The following CUBN variants were observed in gnomAD, a reference collection of about 807,000 sequenced individuals.
CUBN encodes the protein 460 kDa receptor.
Under a neutral mutation model 405.3 loss-of-function variants are expected in CUBN, and 282 were observed. The observed-to-expected ratio is 0.70, with a 90% CI of 0.63 to 0.77. The LOEUF (loss-of-function observed/expected upper bound fraction) is 0.77. CUBN is among the 30% of genes least tolerant of loss of function. The pLI is 0.00. For missense variants in CUBN, 4,514 were observed against 4,475.2 expected (o/e 1.01, Z -0.25); for synonymous variants, 1,684 against 1,617.0 (o/e 1.04, Z -0.99).
intron 8 of CUBN, among the ~76,000 whole-genome samples, chr10:17,111,321 T>G (rs1836767013): frequency 6.6e-6 from 1 of 152,198 alleles, no homozygotes. Flanking sequence ...TCACTAAAAT[T>G]TTTAAAATAC....
chr10:16,827,931 C>G (rs1469730279), intron 66 of CUBN, among the ~76,000 whole-genome samples: 1 of 152,180 alleles, frequency 6.6e-6, no homozygotes, highest in Admixed American at 6.5e-5. Context: ...ATGAGAGGAT[C>G]GTAAGCACAG....
chr10:16,829,014 T>C lies in CUBN; in HGVS notation c.10555A>G (p.Arg3519Gly). ...SGCGGTLYGD[R>G]GSFTSPGYPG... Reference sequence around the variant, plus strand: ...TAGCCGGGGCTGGTGAATGAGCCTCTGTCTCCATAAAGAGTTCCACCACAT... The same window carrying C: ...TAGCCGGGGCTGGTGAATGAGCCTCCGTCTCCATAAAGAGTTCCACCACAT... Residue 3519 changes from arginine (R) to glycine (G), a missense_variant, in exon 66 of 67, where the codon AGA becomes GGA. Around this residue, in one of 5 missense-constraint regions of CUBN, gnomAD observed 1,186 missense variants for 1,186.9 expected, o/e 1.00. Coordinates refer to ENST00000377833, the MANE Select transcript of CUBN (RefSeq NM_001081.4). 6.2e-7 allele frequency: 1 copy of C among 1,614,104 alleles called. No homozygotes were observed. Among genetic ancestry groups the C allele is most frequent in the Non-Finnish European group, 8.5e-7 (1 of 1,179,986 alleles).
chr10:17,000,185 A>G (rs1472751693), intron 28 of CUBN, among the ~76,000 whole-genome samples: 2 of 152,212 alleles, frequency 1.3e-5, no homozygotes, highest in Non-Finnish European at 1.5e-5. Flanking sequence ...TTCTGGGAGC[A>G]GCTACCCTTT....
At position 16,824,890 on chromosome 10, in the gene CUBN, A is replaced by G. The variant is rs553596233; in HGVS notation, c.*85T>C. ...AGTTCAGCTTATTCTCTGTGGCATC[A>G]GCAGGGGTCATGTATCAGGATGGCA... On this transcript the variant is annotated 3_prime_UTR_variant, in exon 67 of 67. Transcript: ENST00000377833. 5 of 902,904 alleles carry G rather than the reference A, an allele frequency of 5.5e-6. No individual in the cohort carries two copies. In the African/African-American group the frequency reaches 6.5e-5, roughly 12 times the overall value. 55.9% of individuals were successfully genotyped at this position (902,904 alleles called of 1,614,324 possible). A position where few individuals can be genotyped will look rare whatever the true frequency, so the allele number is the denominator to read the frequency against.
At chr10:16,901,707 A>C (rs901681534) in intron 51 of CUBN, among the ~76,000 whole-genome samples, 1 of 151,710 alleles carries the variant, frequency 6.6e-6, no homozygotes, top group Non-Finnish European at 1.5e-5. Context: ...TACAAAAATT[A>C]GCTGGGCTTG....
intron 40 of CUBN, among the ~76,000 whole-genome samples, chr10:16,929,422 T>C (rs1049866842): frequency 1.9e-4 from 29 of 152,168 alleles, no homozygotes; most frequent in Non-Finnish European, 4.4e-5. Flanking sequence ...AGAGAATTAA[T>C]AAATCTCGAG....
At chr10:16,992,134 C>G (rs1027312741) in intron 28 of CUBN, among the ~76,000 whole-genome samples, 3 of 151,958 alleles carry the variant, frequency 2.0e-5, no homozygotes, top group Non-Finnish European at 4.4e-5. Context: ...AGCAAACTGT[C>G]ACAAGGACAG....
Position 17,028,149 on chromosome 10 carries a change from T to C in CUBN, c.4018-8166A>G, listed in dbSNP as rs1485322044. ...TTTGAAAGCTAAGCATACTCTCCTG[T>C]GTATACATGAAAATTTAATTCCATA... On this transcript the variant is annotated intron_variant, in intron 27 of 66. Coordinates refer to ENST00000377833, the MANE Select transcript of CUBN (RefSeq NM_001081.4). Among the ~76,000 whole-genome samples, 3 of 152,100 alleles carry C rather than the reference T, an allele frequency of 2.0e-5. No individual in the cohort carries two copies. The East Asian group carries it at 5.8e-4, about 29-fold the overall frequency.
chr10:16,975,779 C>T (rs1465248143), intron 31 of CUBN, among the ~76,000 whole-genome samples: 3 of 151,112 alleles, frequency 2.0e-5, no homozygotes, highest in Non-Finnish European at 4.4e-5. Flanking sequence ...TACAAGCACA[C>T]ACCACCACAC....
chr10:17,071,722 AT>A, intron 18 of CUBN, 104 bp downstream of exon 18: 2 of 1,493,234 alleles, frequency 1.3e-6, no homozygotes, highest in Non-Finnish European at 1.9e-6. Context: ...CTATGAGAAT[AT>A]TTTCCACTTA....
chr10:17,054,167 C>T (rs10904867), intron 22 of CUBN, among the ~76,000 whole-genome samples: 64,694 of 151,568 alleles, frequency 0.43, 16,651 homozygotes, highest in East Asian at 0.68. Flanking sequence ...CCCGTCTCTA[C>T]CAAAAATACA....
chr10:17,110,289 C>G (rs1251034111), intron 9 of CUBN, among the ~76,000 whole-genome samples: 1 of 152,170 alleles, frequency 6.6e-6, no homozygotes, highest in Non-Finnish European at 1.5e-5. Context: ...CTCAGGAGTG[C>G]ATGATATTAA....
chr10:17,022,650 A>G (rs914227382), intron 27 of CUBN, among the ~76,000 whole-genome samples: 1 of 152,166 alleles, frequency 6.6e-6, no homozygotes, highest in Non-Finnish European at 1.5e-5. Flanking sequence ...GTGCTTCTAA[A>G]TCCCTGCTTC....
intron 34 of CUBN, among the ~76,000 whole-genome samples, chr10:16,949,173 T>C (rs1258160025): frequency 1.3e-5 from 2 of 152,216 alleles, no homozygotes; most frequent in East Asian, 1.9e-4. Flanking sequence ...GCGCAAGGTA[T>C]TGCTATGTAA....
At chr10:16,962,174 T>C (rs1843244665) in intron 31 of CUBN, among the ~76,000 whole-genome samples, 1 of 152,206 alleles carries the variant, frequency 6.6e-6, no homozygotes, top group South Asian at 2.1e-4. Context: ...TTAATATGAA[T>C]ATATAGCTCA....
chr10:17,053,277 A>G (rs1835314362), intron 22 of CUBN, among the ~76,000 whole-genome samples: 1 of 151,676 alleles, frequency 6.6e-6, no homozygotes, highest in South Asian at 2.1e-4. Context: ...TAAAACACAG[A>G]AAAAGCAGGA....
Position 16,973,856 on chromosome 10 carries a change from G to A in CUBN, c.4695+8628C>T, listed in dbSNP as rs184353738. Among the ~76,000 whole-genome samples the A allele has an allele frequency of 2.7e-3, 406 of 152,290 alleles. 1 individual carries two copies. The highest frequency in any genetic ancestry group is 9.6e-3 in the African/African-American group (398 of 41,550). ...TTGTGGCTGTGTCACATTCCCTGGTGTATACGTAGCACGTTTTCTTCATCC... is the reference window on the plus strand; with the variant it reads ...TTGTGGCTGTGTCACATTCCCTGGTATATACGTAGCACGTTTTCTTCATCC... On this transcript the variant is annotated intron_variant, in intron 31 of 66. Coordinates refer to ENST00000377833, the MANE Select transcript of CUBN (RefSeq NM_001081.4).
intron 56 of CUBN, among the ~76,000 whole-genome samples, chr10:16,880,213 A>G (rs991670855): frequency 2.6e-5 from 4 of 152,108 alleles, no homozygotes; most frequent in Non-Finnish European, 5.9e-5. Flanking sequence ...TATGGTAGAT[A>G]TTTTCATGAT....
At chr10:16,886,822 C>T (rs1441595913) in intron 56 of CUBN, among the ~76,000 whole-genome samples, 1 of 152,224 alleles carries the variant, frequency 6.6e-6, no homozygotes, top group Non-Finnish European at 1.5e-5. Context: ...GAGTTTCGCT[C>T]TTGTCGCCCA....
Sources: gnomAD v4.1 joint callset for allele counts (sites outside exome capture counted in the v4.1 genomes callset) on GRCh38, gnomAD v4.1.1 for gene constraint, gnomAD v4.1.1 regional missense constraint, MANE v1.5 for transcripts, NCBI Gene and HGNC (gene_info 2026-07-23, HGNC 2026-07-21) for gene names.